MITD1: variants seen among roughly 807,000 people sequenced by gnomAD.
The protein encoded by MITD1 is microtubule interacting and trafficking domain containing 1.
MITD1 carries 24 observed loss-of-function variants against 34.9 expected under a neutral mutation model. The ratio of observed to expected loss-of-function variants is 0.69; its 90% CI spans 0.50 to 0.97. The LOEUF is 0.97. Ranked by LOEUF, MITD1 falls within the 50% of genes least tolerant of loss-of-function variation. The pLI is 0.00. For synonymous variants in MITD1, 102 were observed against 101.4 expected, an observed-to-expected ratio of 1.01 and a Z score of -0.04; for missense variants, 266 against 294.6, an observed-to-expected ratio of 0.90 and a Z score of 0.71.
At position 99,181,055 on chromosome 2, in the gene MITD1, A is replaced by G; in HGVS notation, c.-74T>C. On this transcript the variant is annotated 5_prime_UTR_variant, in exon 1 of 7. The change abolishes an upstream ATG in the 5' untranslated region. Coordinates refer to ENST00000289359, the MANE Select transcript of MITD1 (RefSeq NM_138798.3). ...TCTGCTGCGCTTCCGGGAAGTGGTC[A>G]TGTGATACCCAGGCGCCTGCGCTCT... The G allele has an allele frequency of 6.5e-7, 1 of 1,530,320 alleles. No homozygotes were observed. Among genetic ancestry groups the G allele is most frequent in the South Asian group, 1.3e-5 (1 of 79,786 alleles). 94.8% of individuals were successfully genotyped at this position (1,530,320 alleles called of 1,614,324 possible).
At chr2:99,173,290 G>A in intron 2 of MITD1, 1 of 311,370 alleles carries the variant, frequency 3.2e-6, no homozygotes, top group Non-Finnish European at 6.8e-6. Flanking sequence ...TTTGAGGGCA[G>A]CAGTACCTTT....
Position 99,169,401 on chromosome 2 carries a change from G to C in MITD1, c.724C>G (p.His242Asp). 6.8e-7 allele frequency: 1 copy of C among 1,470,682 alleles called. No homozygotes were observed. The highest frequency in any genetic ancestry group is 1.2e-5 in the South Asian group (1 of 86,948). 91.1% of individuals were successfully genotyped at this position (1,470,682 alleles called of 1,614,324 possible). ...CATATATTTTTTGTATGCTTCTTAT[G>C]AAAAATGTCTACTGTTGTTTCATGA... ...PCHETTVDIFHKKHTKNI is the reference protein window; with the variant it reads ...PCHETTVDIFDKKHTKNI The change falls in exon 7 of 7, where the codon CAT (histidine) becomes GAT (aspartate). Residue 242 changes from histidine (H) to aspartate (D), a missense_variant. Transcript: ENST00000289359.
chr2:99,165,061 C>CACACACACACACACACACACACACATAT (rs370053233), downstream of MITD1, among the ~76,000 whole-genome samples: 2 of 135,190 alleles, frequency 1.5e-5, no homozygotes, highest in African/African-American at 5.7e-5. Flanking sequence ...CACACACACA[C>CACACACACACACACACACACACACATAT]ATATATATAT....
intron 7 of MITD1, chr2:99,163,261 C>A (rs892785794): frequency 1.0e-5 from 4 of 402,008 alleles, no homozygotes; most frequent in Admixed American, 8.3e-5. Flanking sequence ...CTATCCCTAT[C>A]TGTGTATTTC....
intron 7 of MITD1, chr2:99,162,454 C>T (rs769524315): frequency 6.2e-7 from 1 of 1,614,006 alleles, no homozygotes; most frequent in Admixed American, 1.7e-5. Context: ...TCAGGAACAG[C>T]TTCTAAGATC....
At chr2:99,168,866 A>G (rs2093839323), downstream of MITD1, among the ~76,000 whole-genome samples, 1 of 150,020 alleles carries the variant, frequency 6.7e-6, no homozygotes, top group African/African-American at 2.5e-5. Flanking sequence ...TGCAGCCTCA[A>G]CCTCCTAGGC....
chr2:99,162,559 G>C (rs1032871228), intron 7 of MITD1: 6 of 1,614,188 alleles, frequency 3.7e-6, no homozygotes, highest in Non-Finnish European at 3.4e-6. Context: ...CAAGGGATCA[G>C]GAGCAATGCC....
At chr2:99,173,572 T>G (rs147956493) in intron 2 of MITD1, 30 of 465,402 alleles carry the variant, frequency 6.4e-5, no homozygotes, top group African/African-American at 5.5e-4. Context: ...CAGTATTCCC[T>G]GTAGTATTTC....
At chr2:99,167,498 A>G (rs1413496501), downstream of MITD1, among the ~76,000 whole-genome samples, 1 of 152,198 alleles carries the variant, frequency 6.6e-6, no homozygotes, top group Admixed American at 6.5e-5. Flanking sequence ...AAATATCACT[A>G]TGTCTTAGCC....
intron 2 of MITD1, 67 bp from the exon 3 acceptor site, chr2:99,171,713 A>T: frequency 6.9e-7 from 1 of 1,447,194 alleles, no homozygotes; most frequent in South Asian, 1.3e-5. Context: ...TATATTTTAT[A>T]TAGAGTGATT....
chr2:99,173,867 G>T, intron 2 of MITD1, 48 bp downstream of exon 2: 2 of 1,148,784 alleles, frequency 1.7e-6, no homozygotes, highest in Non-Finnish European at 1.3e-6. Flanking sequence ...TGGGTGAATG[G>T]ACAGTCACAG....
At position 99,171,684 on chromosome 2, in the gene MITD1, A is replaced by AT. The variant is rs372456258; in HGVS notation, c.254-39dup. 8,127 of 1,420,600 alleles carry AT rather than the reference A, an allele frequency of 5.7e-3. 4 individuals are homozygous for AT. The highest frequency in any genetic ancestry group is 6.5e-3 in the Non-Finnish European group (6,892 of 1,054,740). The allele number at this position is 1,420,600 out of a possible 1,614,324, so 88.0% of individuals were successfully genotyped here. A position where few individuals can be genotyped will look rare whatever the true frequency, so the allele number is the denominator to read the frequency against. On this transcript the variant is annotated intron_variant, in intron 2 of 6. Coordinates refer to ENST00000289359, the MANE Select transcript of MITD1 (RefSeq NM_138798.3). ...GGCTTCAACAGTAAAACCAGTGACCATTTTTTTTTTACACATTTTATATTT... is the reference window on the plus strand; with the variant it reads ...GGCTTCAACAGTAAAACCAGTGACCATTTTTTTTTTTACACATTTTATATTT...
At chr2:99,171,720 G>T in intron 2 of MITD1, 74 bp from the exon 3 acceptor site, 1 of 1,385,044 alleles carries the variant, frequency 7.2e-7, no homozygotes, top group Non-Finnish European at 9.9e-7. Flanking sequence ...TATATAGAGT[G>T]ATTAATCAGC....
chr2:99,177,459 G>A (rs1315590889), intron 1 of MITD1, among the ~76,000 whole-genome samples: 1 of 151,948 alleles, frequency 6.6e-6, no homozygotes, highest in African/African-American at 2.4e-5. Context: ...CATATTAATG[G>A]GGTACAATGT....
chr2:99,162,030 A>T, exon 8 of MITD1: 1 of 1,613,880 alleles, frequency 6.2e-7, no homozygotes. Flanking sequence ...AGCTGGCTTT[A>T]AAAAAACAGT....
intron 1 of MITD1, among the ~76,000 whole-genome samples, chr2:99,177,385 C>A (rs911830250): frequency 2.0e-5 from 3 of 152,162 alleles, no homozygotes; most frequent in Non-Finnish European, 4.4e-5. Flanking sequence ...TTCATTCAGG[C>A]CCTTATCATG....
downstream of MITD1, among the ~76,000 whole-genome samples, chr2:99,165,939 T>C (rs960499479): frequency 6.6e-6 from 1 of 152,120 alleles, no homozygotes; most frequent in African/African-American, 2.4e-5. Flanking sequence ...TCCAAGCCAG[T>C]GATATCAGTG....
In MITD1 at chr2:99,180,815, T is replaced by C; in HGVS notation, c.151+16A>G. 6.2e-7 allele frequency: 1 copy of C among 1,611,364 alleles called. No individual in the cohort carries two copies. Among genetic ancestry groups the C allele is most frequent in the South Asian group, 1.1e-5 (1 of 91,000 alleles). On this transcript the variant is annotated intron_variant, in intron 1 of 6. Coordinates refer to ENST00000289359, the MANE Select transcript of MITD1 (RefSeq NM_138798.3). ...TCCTTTTCCTCAGGTCCTCCCCGCC[T>C]TGGCTCATTGCTCACCTTTCAGAAC...
chr2:99,174,575 C>T (rs2093876516), intron 1 of MITD1, among the ~76,000 whole-genome samples: 1 of 152,044 alleles, frequency 6.6e-6, no homozygotes, highest in Non-Finnish European at 1.5e-5. Flanking sequence ...CTTATATTTT[C>T]CATAAATAAT....
Sources: allele counts gnomAD v4.1 joint callset (sites outside exome capture counted in the v4.1 genomes callset), GRCh38; gene constraint gnomAD v4.1.1; transcripts MANE v1.5; gene names NCBI Gene and HGNC (gene_info 2026-07-23, HGNC 2026-07-21).